The following LSR variants were observed in gnomAD, a reference collection of about 807,000 sequenced individuals.
The protein encoded by LSR is lipolysis stimulated lipoprotein receptor.
A neutral mutation model predicts 61.8 loss-of-function variants in LSR; 44 were observed. The ratio of observed to expected loss-of-function variants is 0.71; its 90% CI spans 0.56 to 0.91. The LOEUF (loss-of-function observed/expected upper bound fraction) is 0.91. LSR is among the 40% of genes least tolerant of loss of function. LSR has a pLI of 0.00. For missense variants in LSR, 911 were observed against 830.5 expected (o/e 1.10, Z -1.19); for synonymous variants, 397 against 350.6 (o/e 1.13, Z -1.48).
chr19:35,262,474 T>C lies in LSR; in HGVS notation c.632-72T>C, dbSNP rs577300332. The C allele has an allele frequency of 1.4e-5, 21 of 1,552,730 alleles. No homozygotes were observed. In the African/African-American group the frequency reaches 1.9e-4, roughly 14 times the overall value. ...CGACCTCAGTGCTGGCTCCGCACCA[T>C]GTACCCCTGCTGTGCCGTTAGCCCT... is the stretch of plus-strand genomic sequence containing the variant. On this transcript the variant is annotated intron_variant, in intron 4 of 9. Coordinates refer to ENST00000605618, the MANE Select transcript of LSR (RefSeq NM_205834.4).
At chr19:35,251,741 C>A (rs1185534269) in intron 2 of LSR, 1 of 152,190 alleles carries the variant, frequency 6.6e-6, no homozygotes, top group African/African-American at 2.4e-5. Flanking sequence ...CTCTACCCTC[C>A]TGACAGCTGA....
In LSR at chr19:35,266,509, G is replaced by A; in HGVS notation, c.929G>A (p.Gly310Glu). Residue 310 changes from glycine (G) to glutamate (E), a missense_variant, in exon 6 of 10, where the codon GGA (glycine) becomes GAA (glutamate). Physicochemically the swap from Gly to Glu is moderately conservative, Grantham distance 98 (BLOSUM62 -2). Coordinates refer to ENST00000605618, the MANE Select transcript of LSR (RefSeq NM_205834.4). ...AYNGYPGGYP[G>E]DVDRSSSAGG... ...AACGGGTACCCTGGAGGATACCCTG[G>A]AGACGTTGACAGGAGTAGCTCAGGT... 6.2e-7 allele frequency: 1 copy of A among 1,608,684 alleles called. No individual in the cohort carries two copies.
At chr19:35,256,831 T>C (rs944412190) in intron 2 of LSR, among the ~76,000 whole-genome samples, 1 of 151,632 alleles carries the variant, frequency 6.6e-6, no homozygotes, top group African/African-American at 2.4e-5. Context: ...AGGGGGTTCG[T>C]TTCCTTTTTT....
rs1222441020 is a variant in LSR, at chr19:35,266,842, G to T, written c.1019G>T (p.Arg340Leu). 1 of 1,607,828 alleles carries T rather than the reference G, an allele frequency of 6.2e-7. No individual in the cohort carries two copies. The highest frequency in any genetic ancestry group is 1.3e-5 in the African/African-American group (1 of 74,778). ...DTDSSVASEV[R>L]SGYRIQASQQ... ...ACCACCCCCCTGTCCCTAGAAGTCC[G>T]CAGTGGCTACAGGATTCAGGCCAGC... The change falls in exon 8 of 10, where the codon CGC becomes CTC. Residue 340 changes from arginine to leucine, a missense_variant. Arg to Leu is a moderately radical substitution (Grantham distance 102). Transcript: ENST00000605618.
chr19:35,259,107 T>C (rs753610836), intron 3 of LSR, 43 bp downstream of exon 3: 1 of 1,595,400 alleles, frequency 6.3e-7, no homozygotes, highest in Non-Finnish European at 8.6e-7. Context: ...CTTCCTTTTG[T>C]CCGCTTCTGT....
intron 1 of LSR, 95 bp downstream of exon 1, chr19:35,249,226 G>T: frequency 7.0e-7 from 1 of 1,433,312 alleles, no homozygotes. Flanking sequence ...GGGAAGCGGG[G>T]GTCTCAGAGG....
At chr19:35,254,184 C>T (rs1275326334) in intron 2 of LSR, among the ~76,000 whole-genome samples, 2 of 152,152 alleles carry the variant, frequency 1.3e-5, no homozygotes, top group Admixed American at 1.3e-4. Flanking sequence ...ACCTCTGCCT[C>T]GCAAGTTCAA....
At chr19:35,252,666 A>T (rs1212660039) in intron 2 of LSR, among the ~76,000 whole-genome samples, 1 of 151,146 alleles carries the variant, frequency 6.6e-6, no homozygotes, top group Non-Finnish European at 1.5e-5. Flanking sequence ...AAAAAAAAAA[A>T]AAAGACTCCG....
At chr19:35,250,008 T>C (rs2065769523) in intron 1 of LSR, among the ~76,000 whole-genome samples, 1 of 151,896 alleles carries the variant, frequency 6.6e-6, no homozygotes, top group Non-Finnish European at 1.5e-5. Context: ...CCCCTTGTTG[T>C]GGGTGAATGG....
chr19:35,267,426 G>A lies in LSR; in HGVS notation c.1462G>A (p.Asp488Asn), dbSNP rs765694071. The A allele has an allele frequency of 2.5e-6, 4 of 1,610,540 alleles. No individual in the cohort carries two copies. The South Asian group carries it at 4.4e-5, about 18-fold the overall frequency. The change falls in exon 9 of 10, where the codon GAC becomes AAC. Residue 488 changes from aspartate (D) to asparagine (N), a missense_variant. Physicochemically the swap from Asp to Asn is conservative, Grantham distance 23 (BLOSUM62 1). Transcript: ENST00000605618. ...PRSRSRDDLY[D>N]QDDSRDFPRS... ...GAGCCGCAGCCGGGACGACCTCTAT[G>A]ACCAAGACGACTCGAGGGACTTCCC...
chr19:35,256,514 C>A (rs920884300), intron 2 of LSR, among the ~76,000 whole-genome samples: 3 of 152,168 alleles, frequency 2.0e-5, no homozygotes, highest in African/African-American at 7.2e-5. Context: ...TTGTATGTCA[C>A]GTAGCCTCTG....
intron 3 of LSR, 55 bp downstream of exon 3, chr19:35,259,119 C>CCTTT (rs2065892899): frequency 6.3e-7 from 1 of 1,580,164 alleles, no homozygotes; most frequent in East Asian, 2.2e-5. Flanking sequence ...CGCTTCTGTT[C>CCTTT]TGTCTGCCCT....
intron 3 of LSR, among the ~76,000 whole-genome samples, chr19:35,259,570 AG>A (rs2065899560): frequency 6.6e-6 from 1 of 151,894 alleles, no homozygotes; most frequent in Non-Finnish European, 1.5e-5. Context: ...CCTGGGAGGC[AG>A]AGGATGCAGT....
rs192117197 is a variant in LSR, at chr19:35,264,645, A to G, written c.779-1714A>G. 1.1e-4 allele frequency: 17 copies of G among 152,406 alleles called. No individual in the cohort carries two copies. In the East Asian group the frequency reaches 2.9e-3, roughly 26 times the overall value. The allele number at this position is 152,406 out of a possible 1,614,324, so 9.4% of individuals were successfully genotyped here. On this transcript the variant is annotated intron_variant, in intron 5 of 9. Coordinates refer to ENST00000605618, the MANE Select transcript of LSR (RefSeq NM_205834.4). ...TACATGAACAGTGAAGTGCCAGGCA[A>G]TCCTTGCAAGCATGGGCAGGTGGAG...
chr19:35,258,999 G>T lies in LSR; in HGVS notation c.509G>T (p.Cys170Phe). ...TAWGDSGVYY[C>F]SVVSAQDLQG... is the part of the protein sequence containing the mutation. ...TGGGGGGACAGTGGTGTGTATTACT[G>T]CTCCGTGGTCTCAGCCCAGGACCTC... The change falls in exon 3 of 10, where the codon TGC (cysteine) becomes TTC (phenylalanine). Residue 170 changes from cysteine (C) to phenylalanine (F), a missense_variant. Cys to Phe is a radical substitution (Grantham distance 205). Transcript: ENST00000605618. 6.2e-7 allele frequency: 1 copy of T among 1,614,038 alleles called. No individual in the cohort carries two copies. The highest frequency in any genetic ancestry group is 8.5e-7 in the Non-Finnish European group (1 of 1,179,998).
At chr19:35,261,902 C>G in intron 3 of LSR, 23 bp from the exon 4 acceptor site, 1 of 1,434,208 alleles carries the variant, frequency 7.0e-7, no homozygotes, top group Non-Finnish European at 9.2e-7. Context: ...CCAGCATAAT[C>G]TGTTTCTCTT....
chr19:35,262,709 T>C lies in LSR; in HGVS notation c.778+17T>C. ...CCGAGGCCCGTAAGTGTCCCGCTCA[T>C]GGCCACCCTGGTTTGGGCAACATCC... is the stretch of plus-strand genomic sequence containing the variant. On this transcript the variant is annotated intron_variant, in intron 5 of 9. Coordinates refer to ENST00000605618, the MANE Select transcript of LSR (RefSeq NM_205834.4). The C allele has an allele frequency of 6.2e-7, 1 of 1,610,564 alleles. No individual in the cohort carries two copies. Among genetic ancestry groups the C allele is most frequent in the Non-Finnish European group, 8.5e-7 (1 of 1,178,606 alleles).
Position 35,258,922 on chromosome 19 carries a change from C to T in LSR, c.455-23C>T, listed in dbSNP as rs532182319. The T allele has an allele frequency of 6.9e-5, 111 of 1,613,480 alleles. 1 individual carries two copies. In the South Asian group the frequency reaches 1.1e-3, roughly 15 times the overall value. On this transcript the variant is annotated intron_variant, in intron 2 of 9. Coordinates refer to ENST00000605618, the MANE Select transcript of LSR (RefSeq NM_205834.4). ...GGTGCCCCAGCCTCCAAGGTGCCCT[C>T]ACGCCTTTTCATCCCGACTCAGATG...
chr19:35,262,768 C>T, intron 5 of LSR, 76 bp downstream of exon 5: 2 of 1,553,704 alleles, frequency 1.3e-6, no homozygotes, highest in Non-Finnish European at 8.7e-7. Flanking sequence ...CATCCACCTG[C>T]CCCCAGGACA....
Sources: gnomAD v4.1 joint callset for allele counts (sites outside exome capture counted in the v4.1 genomes callset) on GRCh38, gnomAD v4.1.1 for gene constraint, MANE v1.5 for transcripts, NCBI Gene and HGNC (gene_info 2026-07-23, HGNC 2026-07-21) for gene names.